The following ASCC3 variants were observed in gnomAD, a reference collection of about 807,000 sequenced individuals.
ASCC3 encodes activating signal cointegrator 1 complex subunit 3.
In ASCC3, 158 loss-of-function variants were observed where a neutral mutation model predicts 256.3. The observed-to-expected ratio is 0.62, with a 90% CI of 0.54 to 0.70. The LOEUF (loss-of-function observed/expected upper bound fraction) is 0.70, where lower values mean the gene tolerates loss of function less well. Ranked by LOEUF, ASCC3 falls within the 30% of genes least tolerant of loss-of-function variation. ASCC3 has a pLI of 0.00. For missense variants in ASCC3, 2,259 were observed against 2,626.0 expected, an observed-to-expected ratio of 0.86 and a Z score of 3.05; for synonymous variants, 948 against 883.4, an observed-to-expected ratio of 1.07 and a Z score of -1.30.
In ASCC3 at chr6:100,558,023, C is replaced by T. The variant is rs536150745; in HGVS notation, c.5551-17636G>A. On this transcript the variant is annotated intron_variant, in intron 36 of 41. Coordinates refer to ENST00000369162, the MANE Select transcript of ASCC3 (RefSeq NM_006828.4). Reference sequence around the variant, plus strand: ...GGCATTTTCAAGTATACTTTATTGTCTCTATAAACAAAAAAGGAGAAAATA... The same window carrying T: ...GGCATTTTCAAGTATACTTTATTGTTTCTATAAACAAAAAAGGAGAAAATA... Among the ~76,000 whole-genome samples, 319 of 149,134 alleles carry T rather than the reference C, an allele frequency of 2.1e-3. 1 individual carries two copies. Among genetic ancestry groups the T allele is most frequent in the Middle Eastern group, 3.5e-3 (1 of 282 alleles).
chr6:100,687,362 TTTTG>T lies in ASCC3; in HGVS notation c.2152-7614_2152-7611del, dbSNP rs1008678111. ...CCATTGAAGCAAATCTTTAATAGTT[TTTTG>T]TTTGTTTGTTTTTTGAGACAGTGTC... On this transcript the variant is annotated intron_variant, in intron 13 of 41. Coordinates refer to ENST00000369162, the MANE Select transcript of ASCC3 (RefSeq NM_006828.4). Among the ~76,000 whole-genome samples, 18 of 152,016 alleles carry T rather than the reference TTTTG, an allele frequency of 1.2e-4. No homozygotes were observed. The East Asian group carries it at 1.9e-3, about 16-fold the overall frequency.
intron 4 of ASCC3, among the ~76,000 whole-genome samples, chr6:100,809,425 C>T (rs1399389090): frequency 6.6e-6 from 1 of 151,844 alleles, no homozygotes; most frequent in Non-Finnish European, 1.5e-5. Flanking sequence ...TAGCTTAGGC[C>T]TACATAAAGT....
At position 100,683,497 on chromosome 6, in the gene ASCC3, G is replaced by C. The variant is rs1336121213; in HGVS notation, c.2152-3745C>G. ...CTTTTTTTTAATTAAAAATTTCATT[G>C]AAGTCATTACAAGGTTTTGGGTCTC... is the stretch of plus-strand genomic sequence containing the variant. On this transcript the variant is annotated intron_variant, in intron 13 of 41. Coordinates refer to ENST00000369162, the MANE Select transcript of ASCC3 (RefSeq NM_006828.4). 3.4e-5 allele frequency among the ~76,000 whole-genome samples: 5 copies of C among 146,880 alleles called. No individual in the cohort carries two copies. The East Asian group carries it at 1.3e-3, about 37-fold the overall frequency.
chr6:100,726,432 G>GA (rs778547793), intron 10 of ASCC3, among the ~76,000 whole-genome samples: 4 of 151,792 alleles, frequency 2.6e-5, no homozygotes, highest in Non-Finnish European at 4.4e-5. Context: ...AATTTGCAGA[G>GA]AAAAAATGTG....
At chr6:100,723,244 T>C (rs1184838500) in intron 11 of ASCC3, among the ~76,000 whole-genome samples, 1 of 151,772 alleles carries the variant, frequency 6.6e-6, no homozygotes, top group Non-Finnish European at 1.5e-5. Context: ...ATAAATAATA[T>C]TAACAAGTTG....
At chr6:100,646,565 T>C (rs1347650152) in intron 22 of ASCC3, 50 bp downstream of exon 22, 1 of 1,580,042 alleles carries the variant, frequency 6.3e-7, no homozygotes, top group Non-Finnish European at 8.7e-7. Flanking sequence ...GTTGAGTCTG[T>C]AGTACAGATA....
At chr6:100,585,075 G>A (rs1771572389) in intron 36 of ASCC3, among the ~76,000 whole-genome samples, 2 of 151,930 alleles carry the variant, frequency 1.3e-5, no homozygotes, top group African/African-American at 2.4e-5. Context: ...TGCTCTTCTC[G>A]AGGAGTATCT....
chr6:100,804,339 T>TACA (rs561840182), intron 5 of ASCC3, among the ~76,000 whole-genome samples: 185 of 152,224 alleles, frequency 1.2e-3, no homozygotes, highest in African/African-American at 4.1e-3. Flanking sequence ...AACTTTAAGT[T>TACA]TGAAAGTTGT....
At chr6:100,536,035 T>C (rs1775144008) in intron 37 of ASCC3, among the ~76,000 whole-genome samples, 1 of 152,106 alleles carries the variant, frequency 6.6e-6, no homozygotes, top group Non-Finnish European at 1.5e-5. Context: ...AAGATATTTC[T>C]ATAAGAAAAA....
chr6:100,818,849 G>A (rs952180471), intron 4 of ASCC3, among the ~76,000 whole-genome samples: 7 of 149,626 alleles, frequency 4.7e-5, no homozygotes, highest in Non-Finnish European at 7.4e-5. Flanking sequence ...AGTTGAGCAA[G>A]GTTACAGGAT....
chr6:100,670,878 T>G (rs1776711536), intron 14 of ASCC3, among the ~76,000 whole-genome samples: 1 of 152,030 alleles, frequency 6.6e-6, no homozygotes, highest in Non-Finnish European at 1.5e-5. Flanking sequence ...TACTGCAGCA[T>G]TGTTAACAAT....
chr6:100,769,920 CT>C (rs1453077471), intron 8 of ASCC3, among the ~76,000 whole-genome samples: 1 of 151,596 alleles, frequency 6.6e-6, no homozygotes, highest in Non-Finnish European at 1.5e-5. Flanking sequence ...AACCCAATAT[CT>C]AGTAAAGAAA....
chr6:100,796,962 T>C (rs1032749317), intron 8 of ASCC3, among the ~76,000 whole-genome samples: 9 of 152,094 alleles, frequency 5.9e-5, no homozygotes, highest in African/African-American at 2.2e-4. Flanking sequence ...GGTCTGTGAA[T>C]ATATTAGATT....
At position 100,602,539 on chromosome 6, in the gene ASCC3, T is replaced by A. The variant is rs114233768; in HGVS notation, c.5178-604A>T. Among the ~76,000 whole-genome samples, 84 of 152,026 alleles carry A rather than the reference T, an allele frequency of 5.5e-4. 1 individual carries two copies. The highest frequency in any genetic ancestry group is 1.9e-3 in the African/African-American group (80 of 41,488). On this transcript the variant is annotated intron_variant, in intron 33 of 41. Coordinates refer to ENST00000369162, the MANE Select transcript of ASCC3 (RefSeq NM_006828.4). ...GTAAGAGCAGGCAACAGAAGAGATA[T>A]CTTGCAGAGGAAGGAAGAGCACAGG...
intron 14 of ASCC3, among the ~76,000 whole-genome samples, chr6:100,672,207 ATTAT>A (rs1562215458): frequency 6.6e-6 from 1 of 152,042 alleles, no homozygotes; most frequent in East Asian, 1.9e-4. Context: ...ATTAAAATCA[ATTAT>A]TTAATTAGTT....
At position 100,685,009 on chromosome 6, in the gene ASCC3, G is replaced by A. The variant is rs549588256; in HGVS notation, c.2152-5257C>T. 1.5e-3 allele frequency among the ~76,000 whole-genome samples: 228 copies of A among 151,888 alleles called. 1 individual carries two copies. The highest frequency in any genetic ancestry group is 1.2e-3 in the Non-Finnish European group (81 of 67,928). ...TTTTTAGTAGAGACAGGGTTTCACC[G>A]TATTAGCCAGGATGGTCTCGATCTC... On this transcript the variant is annotated intron_variant, in intron 13 of 41. Coordinates refer to ENST00000369162, the MANE Select transcript of ASCC3 (RefSeq NM_006828.4).
chr6:100,769,716 TAAGAG>T (rs1012505007), intron 8 of ASCC3, among the ~76,000 whole-genome samples: 2 of 151,598 alleles, frequency 1.3e-5, no homozygotes, highest in African/African-American at 4.8e-5. Context: ...TCAGGAAAAA[TAAGAG>T]AAGACACCAA....
chr6:100,599,358 T>C (rs1772473843), intron 34 of ASCC3, among the ~76,000 whole-genome samples: 1 of 152,098 alleles, frequency 6.6e-6, no homozygotes. Context: ...ATTGGCCAGT[T>C]CTCTTCAGAA....
chr6:100,532,372 ATGTGTG>A (rs1167560882), intron 37 of ASCC3, among the ~76,000 whole-genome samples: 736 of 68,634 alleles, frequency 0.011, 5 homozygotes, highest in African/African-American at 0.038. Context: ...GTGTGTGTGT[ATGTGTG>A]TATATATATA....
Sources: allele counts gnomAD v4.1 joint callset (sites outside exome capture counted in the v4.1 genomes callset), GRCh38; gene constraint gnomAD v4.1.1; transcripts MANE v1.5; gene names NCBI Gene and HGNC (gene_info 2026-07-23, HGNC 2026-07-21).